SRSF5: variants seen among roughly 807,000 people sequenced by gnomAD.
The protein encoded by SRSF5 is serine and arginine rich splicing factor 5.
A neutral mutation model predicts 34.0 loss-of-function variants in SRSF5; 5 were observed. That is an observed-to-expected ratio of 0.15 (90% CI 0.08 to 0.31). SRSF5 has a LOEUF of 0.31. Among genes scored for constraint, SRSF5 ranks in the 10% least tolerant of loss-of-function variants. The probability of loss-of-function intolerance (pLI) is 1.00; values close to 1 mark genes in which losing one functional copy is unlikely to be tolerated. For missense variants in SRSF5, 223 were observed against 351.4 expected, an observed-to-expected ratio of 0.63 and a Z score of 2.92; for synonymous variants, 164 against 117.7, an observed-to-expected ratio of 1.39 and a Z score of -2.55.
intron 4 of SRSF5, 109 bp downstream of exon 4, chr14:69,769,005 T>C: frequency 7.6e-7 from 1 of 1,322,152 alleles, no homozygotes; most frequent in Non-Finnish European, 1.1e-6. Flanking sequence ...AATCTGTTCT[T>C]CTATTCCCAC....
At chr14:69,769,759 G>A in intron 5 of SRSF5, 5 of 1,367,112 alleles carry the variant, frequency 3.7e-6, no homozygotes, top group South Asian at 1.9e-5. Context: ...TTCCTGTAAC[G>A]CTTCCGAATA....
At position 69,768,850 on chromosome 14, in the gene SRSF5, C is replaced by G. The variant is rs761932526; in HGVS notation, c.250C>G (p.Arg84Gly). 3.1e-6 allele frequency: 5 copies of G among 1,614,138 alleles called. No homozygotes were observed. The highest frequency in any genetic ancestry group is 4.2e-6 in the Non-Finnish European group (5 of 1,180,024). The change falls in exon 4 of 8, where the codon CGA becomes GGA. Residue 84 changes from arginine (R) to glycine (G), a missense_variant. Physicochemically the swap from Arg to Gly is moderately radical, Grantham distance 125. This residue lies in a region of SRSF5 where 44 missense variants were observed against 44.3 expected (regional missense o/e 0.99). Coordinates refer to ENST00000557154, the MANE Select transcript of SRSF5 (RefSeq NM_001320214.2). ...ARSRGGRGRGRYSDRFSSRRP... is the reference protein window; with the variant it reads ...ARSRGGRGRGGYSDRFSSRRP... ...GTCACGAGGTGGAAGAGGTAGAGGACGATACTCTGACCGTTTTAGTAGTCG... is the reference window on the plus strand; with the variant it reads ...GTCACGAGGTGGAAGAGGTAGAGGAGGATACTCTGACCGTTTTAGTAGTCG...
intron 2 of SRSF5, 118 bp from the exon 3 acceptor site, chr14:69,768,486 C>G: frequency 8.1e-7 from 1 of 1,236,202 alleles, no homozygotes; most frequent in East Asian, 2.3e-5. Flanking sequence ...TTAGGTTTGA[C>G]TGTATGGCAG....
At chr14:69,767,798 C>G in intron 1 of SRSF5, 1 of 353,404 alleles carries the variant, frequency 2.8e-6, no homozygotes. Flanking sequence ...GCTGGCTTTG[C>G]GGAGGGCGCG....
intron 1 of SRSF5, 40 bp from the exon 2 acceptor site, chr14:69,768,098 C>T: frequency 6.2e-7 from 1 of 1,606,220 alleles, no homozygotes; most frequent in Non-Finnish European, 8.5e-7. Flanking sequence ...TTCTCTGTGA[C>T]AGTCATTGCT....
intron 5 of SRSF5, chr14:69,769,819 G>A: frequency 7.5e-7 from 1 of 1,324,646 alleles, no homozygotes. Context: ...GTGGTCGTTG[G>A]AATCCTGATC....
At chr14:69,771,172 G>T in intron 7 of SRSF5, 22 bp from the exon 8 acceptor site, 2 of 1,613,784 alleles carry the variant, frequency 1.2e-6, no homozygotes, top group Non-Finnish European at 1.7e-6. Context: ...TATCTAGGCT[G>T]ATTTCTTTTC....
At chr14:69,768,525 C>G (rs1019915586) in intron 2 of SRSF5, 79 bp from the exon 3 acceptor site, 2 of 1,407,122 alleles carry the variant, frequency 1.4e-6, no homozygotes, top group African/African-American at 1.4e-5. Flanking sequence ...CCCATTCTGT[C>G]TCCTGATTTC....
chr14:69,769,130 C>T, intron 4 of SRSF5, 52 bp from the exon 5 acceptor site: 1 of 1,601,588 alleles, frequency 6.2e-7, no homozygotes, highest in Non-Finnish European at 8.6e-7. Flanking sequence ...CAGTTGAACA[C>T]AAGTGCTGTC....
chr14:69,770,856 A>T, intron 6 of SRSF5, 139 bp from the exon 7 acceptor site: 1 of 815,066 alleles, frequency 1.2e-6, no homozygotes, highest in Non-Finnish European at 1.9e-6. Context: ...TTGCTCTTTT[A>T]ATGCTGTGTT....
intron 6 of SRSF5, 156 bp from the exon 7 acceptor site, chr14:69,770,839 C>G (rs1247665612): frequency 2.7e-6 from 2 of 741,046 alleles, no homozygotes; most frequent in Admixed American, 5.9e-5. Flanking sequence ...ATAACAGTGC[C>G]AAAACTTTGC....
chr14:69,771,681 C>T lies in SRSF5; in HGVS notation c.*220C>T, dbSNP rs1309464615. 2 of 558,214 alleles carry T rather than the reference C, an allele frequency of 3.6e-6. No homozygotes were observed. Among genetic ancestry groups the T allele is most frequent in the African/African-American group, 3.8e-5 (2 of 53,028 alleles). The allele number at this position is 558,214 out of a possible 1,614,324, so 34.6% of individuals were successfully genotyped here. On this transcript the variant is annotated 3_prime_UTR_variant, in exon 8 of 8. Coordinates refer to ENST00000557154, the MANE Select transcript of SRSF5 (RefSeq NM_001320214.2). ...TGTCTTTTGATAAGCCTTCTGCTCA[C>T]ATTTTTGTGAATGTCTGAAGTATAT...
chr14:69,768,013 G>A, intron 1 of SRSF5, 125 bp from the exon 2 acceptor site: 1 of 1,108,646 alleles, frequency 9.0e-7, no homozygotes, highest in South Asian at 1.5e-5. Context: ...TAGAGGCTCT[G>A]TTGGCAATCT....
At chr14:69,770,426 C>CCTTTCCT (rs1273011616) in intron 5 of SRSF5, 41 bp from the exon 6 acceptor site, 1 of 1,603,430 alleles carries the variant, frequency 6.2e-7, no homozygotes, top group Non-Finnish European at 8.5e-7. Context: ...TTGTGTGTCC[C>CCTTTCCT]CTTTCCTCTT....
rs775698330 is a variant in SRSF5 at position 69,769,265 on chromosome 14, C to A, written c.366+14C>A. The A allele has an allele frequency of 9.3e-6, 15 of 1,613,924 alleles. No homozygotes were observed. Among genetic ancestry groups the A allele is most frequent in the Non-Finnish European group, 1.3e-5 (15 of 1,179,898 alleles). On this transcript the variant is annotated intron_variant, in intron 5 of 7. Coordinates refer to ENST00000557154, the MANE Select transcript of SRSF5 (RefSeq NM_001320214.2). Reference sequence around the variant, plus strand: ...GTCAGCTGGCAGGTTTGTTGAAATACAGTTTTGAGTTATTTTGATGTGGCT... The same window carrying A: ...GTCAGCTGGCAGGTTTGTTGAAATAAAGTTTTGAGTTATTTTGATGTGGCT...
intron 1 of SRSF5, 139 bp from the exon 2 acceptor site, chr14:69,767,999 T>A: frequency 2.1e-6 from 2 of 939,454 alleles, no homozygotes; most frequent in Non-Finnish European, 3.2e-6. Flanking sequence ...TAACCTGGCC[T>A]CATTAGAGGC....
In SRSF5 at chr14:69,769,217, T is replaced by C. The variant is rs1882926905; in HGVS notation, c.332T>C (p.Ile111Thr). ...CCTGTAAGAACAGAAAATCGTCTTA[T>C]AGTTGAGAATTTATCCTCAAGAGTC... Reference protein sequence around the residue: ...APPVRTENRLIVENLSSRVSW... With the variant: ...APPVRTENRLTVENLSSRVSW... The change falls in exon 5 of 8, where the codon ATA becomes ACA. Residue 111 changes from isoleucine (I) to threonine (T), a missense_variant. Coordinates refer to ENST00000557154, the MANE Select transcript of SRSF5 (RefSeq NM_001320214.2). 1 of 1,614,218 alleles carries C rather than the reference T, an allele frequency of 6.2e-7. No homozygotes were observed. The highest frequency in any genetic ancestry group is 8.5e-7 in the Non-Finnish European group (1 of 1,180,040).
chr14:69,771,253 C>G lies in SRSF5; in HGVS notation c.611C>G (p.Ser204Cys). 1 of 1,614,116 alleles carries G rather than the reference C, an allele frequency of 6.2e-7. No homozygotes were observed. Among genetic ancestry groups the G allele is most frequent in the South Asian group, 1.1e-5 (1 of 91,078 alleles). Residue 204 changes from serine (S) to cysteine (C), a missense_variant, in exon 8 of 8, where the codon TCC (serine) becomes TGC (cysteine). Around this residue, in one of 4 missense-constraint regions of SRSF5, gnomAD observed 115 missense variants for 119.7 expected, o/e 0.96. Coordinates refer to ENST00000557154, the MANE Select transcript of SRSF5 (RefSeq NM_001320214.2). ...TRSSSRSRSR[S>C]RSRSRKSYSR... ...AGTTCCTCTAGGTCTCGTAGCCGAT[C>G]CCGTTCCCGTAGTCGCAAATCTTAC...
Position 69,771,733 on chromosome 14 carries a change from T to G in SRSF5, c.*272T>G. 1 of 335,124 alleles carries G rather than the reference T, an allele frequency of 3.0e-6. No homozygotes were observed. The highest frequency in any genetic ancestry group is 7.5e-5 in the South Asian group (1 of 13,300). 20.8% of individuals were successfully genotyped at this position (335,124 alleles called of 1,614,324 possible). A position where few individuals can be genotyped will look rare whatever the true frequency, so the allele number is the denominator to read the frequency against. Reference sequence around the variant, plus strand: ...GTTTGTGTATATTGACAGAGCTCTTTTATAACTAAAGCAAATTTAATTTTT... The same window carrying G: ...GTTTGTGTATATTGACAGAGCTCTTGTATAACTAAAGCAAATTTAATTTTT... On this transcript the variant is annotated 3_prime_UTR_variant, in exon 8 of 8. Coordinates refer to ENST00000557154, the MANE Select transcript of SRSF5 (RefSeq NM_001320214.2).
Sources: allele counts gnomAD v4.1 joint callset, GRCh38; gene constraint gnomAD v4.1.1; regional missense constraint gnomAD v4.1.1; transcripts MANE v1.5; gene names NCBI Gene and HGNC (gene_info 2026-07-23, HGNC 2026-07-21).